The following MGAT4C variants were observed in gnomAD, a reference collection of about 807,000 sequenced individuals.
MGAT4C encodes MGAT4 family member C, also known as alpha-1,3-mannosyl-glycoprotein 4-beta-N-acetylglucosaminyltransferase C.
MGAT4C carries 19 observed loss-of-function variants against 40.1 expected under a neutral mutation model. The ratio of observed to expected loss-of-function variants is 0.47; its 90% confidence interval spans 0.33 to 0.70. The LOEUF (loss-of-function observed/expected upper bound fraction) is 0.70, where lower values mean the gene tolerates loss of function less well. Among genes scored for constraint, MGAT4C ranks in the 30% least tolerant of loss-of-function variants. The pLI is 0.02. For synonymous variants in MGAT4C, 181 were observed against 187.1 expected (o/e 0.97, Z 0.27); for missense variants, 491 against 563.2 (o/e 0.87, Z 1.30).
chr12:86,308,088 GTAT>G (rs141147319), intron 4 of MGAT4C, among the ~76,000 whole-genome samples: 12,136 of 150,286 alleles, frequency 0.081, 802 homozygotes, highest in Middle Eastern at 0.22. Context: ...TGTATTATTT[GTAT>G]TATTTAGATG....
At chr12:86,728,326 C>T (rs1019349596) in intron 1 of MGAT4C, among the ~76,000 whole-genome samples, 2 of 152,090 alleles carry the variant, frequency 1.3e-5, no homozygotes, top group African/African-American at 4.8e-5. Flanking sequence ...CTGTCTTCTT[C>T]CCCTGTCTTA....
At chr12:86,376,397 A>C (rs1955822540) in intron 3 of MGAT4C, among the ~76,000 whole-genome samples, 2 of 151,928 alleles carry the variant, frequency 1.3e-5, no homozygotes, top group South Asian at 4.1e-4. Flanking sequence ...AAAATAAATA[A>C]ATTTGAAAAA....
chr12:86,430,507 C>T (rs964099575), intron 3 of MGAT4C, among the ~76,000 whole-genome samples: 1 of 152,118 alleles, frequency 6.6e-6, no homozygotes, highest in Non-Finnish European at 1.5e-5. Flanking sequence ...AGTTAGTGGG[C>T]TATTGACTTT....
intron 2 of MGAT4C, among the ~76,000 whole-genome samples, chr12:86,657,885 G>A (rs912383642): frequency 6.6e-6 from 1 of 151,684 alleles, no homozygotes; most frequent in African/African-American, 2.4e-5. Flanking sequence ...TAAAAACAGT[G>A]GTTCCCCAGG....
At chr12:86,592,287 G>C (rs1961358380) in intron 2 of MGAT4C, among the ~76,000 whole-genome samples, 1 of 151,972 alleles carries the variant, frequency 6.6e-6, no homozygotes, top group Non-Finnish European at 1.5e-5. Context: ...TTGATTAGAA[G>C]ACATGAATTT....
rs77478017 is a variant in MGAT4C at position 86,050,757 on chromosome 12, G to A, written c.-56-1034C>T. Among the ~76,000 whole-genome samples, 295 of 151,994 alleles carry A rather than the reference G, an allele frequency of 1.9e-3. 2 individuals carry two copies. The highest frequency in any genetic ancestry group is 3.3e-3 in the Non-Finnish European group (225 of 67,916). On this transcript the variant is annotated intron_variant, in intron 1 of 4. Transcript: ENST00000611864. ...ACATTTTTCCTCTTTGTCTTCTTCC[G>A]TAGCTTCCACAGACAGCAAGAATAG...
intron 2 of MGAT4C, among the ~76,000 whole-genome samples, chr12:86,636,316 A>C (rs1963217888): frequency 6.6e-6 from 1 of 152,086 alleles, no homozygotes; most frequent in African/African-American, 2.4e-5. Context: ...TTAAAATTAT[A>C]AACCTTCCAC....
At chr12:86,772,366 A>T (rs1951654481) in intron 1 of MGAT4C, among the ~76,000 whole-genome samples, 1 of 152,210 alleles carries the variant, frequency 6.6e-6, no homozygotes, top group Non-Finnish European at 1.5e-5. Flanking sequence ...AAATAAACGG[A>T]TGGAACAAAA....
chr12:86,396,619 G>T (rs58696546), intron 3 of MGAT4C, among the ~76,000 whole-genome samples: 5 of 152,100 alleles, frequency 3.3e-5, no homozygotes, highest in African/African-American at 4.8e-5. Flanking sequence ...ACACAAAGGT[G>T]GGGGAGAAGG....
chr12:86,385,697 C>A (rs2136223824), intron 3 of MGAT4C, among the ~76,000 whole-genome samples: 1 of 152,276 alleles, frequency 6.6e-6, no homozygotes, highest in East Asian at 1.9e-4. Flanking sequence ...TGAGCCTGTT[C>A]AACTGTTGCT....
At chr12:86,239,881 T>A (rs1951703352) in intron 1 of MGAT4C, among the ~76,000 whole-genome samples, 1 of 82,926 alleles carries the variant, frequency 1.2e-5, no homozygotes, top group Non-Finnish European at 2.2e-5. Flanking sequence ...TGTGGTGGGG[T>A]CGGGGGAGGG....
intron 1 of MGAT4C, among the ~76,000 whole-genome samples, chr12:86,117,566 T>A (rs1327802042): frequency 6.6e-6 from 1 of 152,074 alleles, no homozygotes; most frequent in Admixed American, 6.6e-5. Flanking sequence ...TTAGAATGAA[T>A]TTATTATGTG....
intron 2 of MGAT4C, among the ~76,000 whole-genome samples, chr12:86,609,816 G>A (rs1962185118): frequency 6.7e-6 from 1 of 150,146 alleles, no homozygotes. Flanking sequence ...TGCAAACAAG[G>A]CCGTAGACAT....
At chr12:86,364,768 T>A (rs1955556681) in intron 3 of MGAT4C, among the ~76,000 whole-genome samples, 1 of 152,114 alleles carries the variant, frequency 6.6e-6, no homozygotes, top group Non-Finnish European at 1.5e-5. Flanking sequence ...AACCAGCAAG[T>A]TTTTATTAGT....
At chr12:86,463,181 T>C (rs1273926428) in intron 2 of MGAT4C, among the ~76,000 whole-genome samples, 1 of 152,162 alleles carries the variant, frequency 6.6e-6, no homozygotes, top group Non-Finnish European at 1.5e-5. Flanking sequence ...TTATAACTCA[T>C]ACATTTGCTA....
chr12:86,164,106 GC>G (rs1343982384), intron 1 of MGAT4C, among the ~76,000 whole-genome samples: 2 of 152,306 alleles, frequency 1.3e-5, no homozygotes, highest in Non-Finnish European at 1.5e-5. Flanking sequence ...AATGTCAGAT[GC>G]CTTTGAGAGT....
Position 86,282,863 on chromosome 12 carries a change from G to T in MGAT4C, c.-57+51202C>A, listed in dbSNP as rs963570219. On this transcript the variant is annotated intron_variant, in intron 4 of 7. Transcript: ENST00000548651. ...TTTTCTATATTGCATATCTTTTCTGGACTCTTGATTAAATGATTCGGGTGT... is the reference window on the plus strand; with the variant it reads ...TTTTCTATATTGCATATCTTTTCTGTACTCTTGATTAAATGATTCGGGTGT... Among the ~76,000 whole-genome samples the T allele has an allele frequency of 2.0e-4, 31 of 151,880 alleles. 1 individual carries two copies. Among genetic ancestry groups the T allele is most frequent in the East Asian group, 1.9e-4 (1 of 5,176 alleles).
At chr12:86,105,066 T>A (rs913349876) in intron 1 of MGAT4C, among the ~76,000 whole-genome samples, 1 of 152,086 alleles carries the variant, frequency 6.6e-6, no homozygotes, top group Non-Finnish European at 1.5e-5. Flanking sequence ...TCATGAAAAA[T>A]TTATATGTAA....
intron 2 of MGAT4C, among the ~76,000 whole-genome samples, chr12:86,477,731 G>A (rs1957863093): frequency 6.6e-6 from 1 of 152,086 alleles, no homozygotes; most frequent in Non-Finnish European, 1.5e-5. Flanking sequence ...ATCTCCTAAT[G>A]CTATCCTTCC....
Sources: allele counts gnomAD v4.1 joint callset (sites outside exome capture counted in the v4.1 genomes callset), GRCh38; gene constraint gnomAD v4.1.1; transcripts MANE v1.5; gene names NCBI Gene and HGNC (gene_info 2026-07-23, HGNC 2026-07-21).